The following C2 variants were observed in gnomAD, a reference collection of about 807,000 sequenced individuals.
C2 encodes the protein complement C2.
Under a neutral mutation model 85.2 loss-of-function variants are expected in C2, and 64 were observed. The ratio of observed to expected loss-of-function variants is 0.75; its 90% CI spans 0.61 to 0.92. C2 has a LOEUF of 0.92. C2 is among the 40% of genes least tolerant of loss of function. The pLI, the probability that C2 is intolerant of heterozygous loss-of-function variation, is 0.00. For missense variants in C2, 820 were observed against 971.6 expected, an observed-to-expected ratio of 0.84 and a Z score of 2.07; for synonymous variants, 311 against 370.8, an observed-to-expected ratio of 0.84 and a Z score of 1.85.
chr6:31,912,845 AG>A (rs1768209194), intron 1 of C2, among the ~76,000 whole-genome samples: 1 of 52,100 alleles, frequency 1.9e-5, no homozygotes, highest in African/African-American at 1.3e-4. Flanking sequence ...ATCTCAAAAA[AG>A]AAAAAAAAAA....
At chr6:31,907,538 G>A (rs1420664004) in intron 1 of C2, among the ~76,000 whole-genome samples, 6 of 128,704 alleles carry the variant, frequency 4.7e-5, no homozygotes, top group African/African-American at 1.5e-4. Context: ...AGCCTTGTTC[G>A]CACTGCTGCA....
intron 1 of C2, among the ~76,000 whole-genome samples, chr6:31,909,369 T>C (rs775164495): frequency 2.0e-5 from 3 of 151,924 alleles, no homozygotes; most frequent in Non-Finnish European, 4.4e-5. Flanking sequence ...TGATCTTGGC[T>C]CACTGCAACC....
chr6:31,905,439 TAA>T (rs5875339), intron 1 of C2, among the ~76,000 whole-genome samples: 3 of 149,704 alleles, frequency 2.0e-5, no homozygotes, highest in Non-Finnish European at 3.0e-5. Flanking sequence ...CCCTGTCTTT[TAA>T]AAAAAAAATT....
At chr6:31,900,250 C>T (rs750783938), upstream of C2, 13 of 1,613,926 alleles carry the variant, frequency 8.1e-6, no homozygotes, top group Non-Finnish European at 1.1e-5. This position sits in a 1 kb window ranked among gnomAD's most constrained non-coding sequence, Gnocchi z 9.7. Flanking sequence ...GCTGCGCCCG[C>T]ATGTGGAAGA....
intron 8 of C2, 110 bp downstream of exon 8, chr6:31,937,569 T>G: frequency 1.4e-6 from 2 of 1,389,068 alleles, no homozygotes; most frequent in Non-Finnish European, 2.0e-6. Flanking sequence ...GGGCCCCAGT[T>G]TTGTTTTTGT....
rs758291228 is a variant in C2, at chr6:31,933,954, A to G, written c.704A>G (p.Gln235Arg). ...ATGCTTGGGGCCACCAATCCCACCC[A>G]GAAGACAAAGGGTGAGTGTTTGAGG... Reference protein sequence around the residue: ...SHMLGATNPTQKTKESLGRKI... With the variant: ...SHMLGATNPTRKTKESLGRKI... Residue 235 changes from glutamine to arginine, a missense_variant, in exon 5 of 18, where the codon CAG (glutamine) becomes CGG (arginine). Physicochemically the swap from Gln to Arg is conservative, Grantham distance 43. Coordinates refer to ENST00000299367, the MANE Select transcript of C2 (RefSeq NM_000063.6). 1 of 1,613,204 alleles carries G rather than the reference A, an allele frequency of 6.2e-7. No homozygotes were observed. The highest frequency in any genetic ancestry group is 8.5e-7 in the Non-Finnish European group (1 of 1,179,138).
At chr6:31,913,953 C>T (rs1406498657) in intron 1 of C2, among the ~76,000 whole-genome samples, 1 of 138,012 alleles carries the variant, frequency 7.2e-6, no homozygotes, top group Non-Finnish European at 1.6e-5. Context: ...TTTTTTAAGA[C>T]GGAATCTCGC....
At chr6:31,925,491 C>A (rs568562584), upstream of C2, among the ~76,000 whole-genome samples, 1 of 152,254 alleles carries the variant, frequency 6.6e-6, no homozygotes, top group East Asian at 1.9e-4. Flanking sequence ...TGGGGTTTCA[C>A]CATGTTGGTC....
rs1284757827 is a variant in C2, at chr6:31,920,698, T to G, written c.-100+672T>G. On this transcript the variant is annotated intron_variant, in intron 1 of 3. Transcript: ENST00000413154. This position sits in a 1 kb window ranked among gnomAD's most constrained non-coding sequence, Gnocchi z 5.6. ...AGGTAAGAGCTGCGGTGTGGGCAGATGGACACCCTGGTACACCCCAGGCCT... is the reference window on the plus strand; with the variant it reads ...AGGTAAGAGCTGCGGTGTGGGCAGAGGGACACCCTGGTACACCCCAGGCCT... 3.3e-5 allele frequency among the ~76,000 whole-genome samples: 5 copies of G among 152,160 alleles called. No homozygotes were observed. Among genetic ancestry groups the G allele is most frequent in the African/African-American group, 9.7e-5 (4 of 41,422 alleles).
At chr6:31,937,027 G>A in intron 7 of C2, 1 of 394,324 alleles carries the variant, frequency 2.5e-6, no homozygotes, top group South Asian at 2.5e-5. Context: ...GGCCAACATG[G>A]TGAAACCCCA....
intron 3 of C2, 129 bp from the exon 4 acceptor site, chr6:31,933,481 C>A: frequency 1.1e-6 from 1 of 886,808 alleles, no homozygotes; most frequent in Non-Finnish European, 1.8e-6. Context: ...TCTCTGGGGG[C>A]TCTGGGACAG....
chr6:31,933,494 A>G, intron 3 of C2, 116 bp from the exon 4 acceptor site: 1 of 1,030,224 alleles, frequency 9.7e-7, no homozygotes, highest in Non-Finnish European at 1.5e-6. Context: ...TGGGACAGAC[A>G]TGGGTGCATC....
Position 31,933,626 on chromosome 6 carries a change from C to G in C2, c.459C>G (p.Asn153Lys), listed in dbSNP as rs767052747. The stretch of plus-strand genomic sequence containing the variant: ...CACTCGCAGCTGGCCACTGCCCCAA[C>G]CCAGGCATTTCACTGGGCGCAGTGC... ...VCDNGAGHCP[N>K]PGISLGAVRT... Residue 153 changes from asparagine (N) to lysine (K), a missense_variant, in exon 4 of 18, where the codon AAC becomes AAG. Asn to Lys is a moderately conservative substitution (Grantham distance 94). Transcript: ENST00000299367. The G allele has an allele frequency of 1.9e-6, 3 of 1,613,096 alleles. No individual in the cohort carries two copies. Among genetic ancestry groups the G allele is most frequent in the South Asian group, 1.1e-5 (1 of 91,086 alleles).
In C2 at chr6:31,943,189, C is replaced by T; in HGVS notation, c.1361-36C>T. On this transcript the variant is annotated intron_variant, in intron 10 of 17. Coordinates refer to ENST00000299367, the MANE Select transcript of C2 (RefSeq NM_000063.6). This position sits in a 1 kb window ranked among gnomAD's most constrained non-coding sequence, Gnocchi z 6.4. The stretch of plus-strand genomic sequence containing the variant: ...GGGAACCTGGACACAGTGCCCCTCA[C>T]TTGCCTCCTTCCCCATCTGATCCTC... 1 of 1,612,218 alleles carries T rather than the reference C, an allele frequency of 6.2e-7. No homozygotes were observed. Among genetic ancestry groups the T allele is most frequent in the Non-Finnish European group, 8.5e-7 (1 of 1,179,272 alleles).
At chr6:31,942,876 A>G in intron 9 of C2, 83 bp from the exon 10 acceptor site, 1 of 1,572,872 alleles carries the variant, frequency 6.4e-7, no homozygotes, top group South Asian at 1.1e-5. Flanking sequence ...GATTGGACAC[A>G]GTGAGTTTCA....
At chr6:31,901,588 A>T (rs1256640552) in intron 1 of C2, among the ~76,000 whole-genome samples, 2 of 150,496 alleles carry the variant, frequency 1.3e-5, no homozygotes, top group African/African-American at 2.5e-5. Flanking sequence ...CCCACGGTGG[A>T]AGGACGGAGA....
chr6:31,944,735 C>A lies in C2; in HGVS notation c.1911C>A (p.Ser637Arg). 1 of 1,613,090 alleles carries A rather than the reference C, an allele frequency of 6.2e-7. No individual in the cohort carries two copies. Among genetic ancestry groups the A allele is most frequent in the African/African-American group, 1.3e-5 (1 of 75,050 alleles). Residue 637 changes from serine (S) to arginine (R), a missense_variant, in exon 16 of 18, where the codon AGC becomes AGA. Ser to Arg is a moderately radical substitution (Grantham distance 110). Transcript: ENST00000299367. This position sits in a 1 kb window ranked among gnomAD's most constrained non-coding sequence, Gnocchi z 5.1. ...TTCCACCCCTGCTGCAGTGGACAAG[C>A]TGTGCCGAGGTTGTCTCCCAAGAAA... ...INLKMGVEWTSCAEVVSQEKT... is the reference protein window; with the variant it reads ...INLKMGVEWTRCAEVVSQEKT...
In C2 at chr6:31,944,043, G is replaced by C; in HGVS notation, c.1810+50G>C. The stretch of plus-strand genomic sequence containing the variant: ...TGAGAGCTGGGGCCGGGGTTTGGGG[G>C]TGATAACAAGGACTAGGCTGCAGTC... On this transcript the variant is annotated intron_variant, in intron 14 of 17. Transcript: ENST00000299367. The surrounding 1 kb of genome is among the most constrained non-coding windows in gnomAD (Gnocchi z 5.1). The C allele has an allele frequency of 6.2e-7, 1 of 1,600,934 alleles. No homozygotes were observed. Among genetic ancestry groups the C allele is most frequent in the Non-Finnish European group, 8.6e-7 (1 of 1,169,002 alleles).
intron 1 of C2, among the ~76,000 whole-genome samples, chr6:31,905,366 C>T (rs1767643332): frequency 6.6e-6 from 1 of 151,590 alleles, no homozygotes; most frequent in Admixed American, 6.6e-5. Flanking sequence ...TAAGCCCAGG[C>T]AGTTGAGGCT....
Sources: gnomAD v4.1 joint callset for allele counts (sites outside exome capture counted in the v4.1 genomes callset) on GRCh38, gnomAD v4.1.1 for gene constraint, Gnocchi (gnomAD v3.1) non-coding constraint, MANE v1.5 for transcripts, NCBI Gene and HGNC (gene_info 2026-07-23, HGNC 2026-07-21) for gene names.